Variants in ME1 observed in about 807,000 individuals in gnomAD.
The protein encoded by ME1 is NADP-dependent malic enzyme.
In ME1, 74 loss-of-function variants were observed where a neutral mutation model predicts 66.4. The observed-to-expected ratio is 1.11, with a 90% CI of 0.92 to 1.35. The LOEUF is 1.35. ME1 is among the 40% of genes most tolerant of loss of function. The pLI, the probability that ME1 is intolerant of heterozygous loss-of-function variation, is 0.00. For missense variants in ME1, 750 were observed against 694.1 expected, an observed-to-expected ratio of 1.08 and a Z score of -0.90; for synonymous variants, 251 against 235.6, an observed-to-expected ratio of 1.07 and a Z score of -0.60.
intron 11 of ME1, 43 bp downstream of exon 11, chr6:83,227,292 T>C: frequency 7.2e-7 from 1 of 1,384,888 alleles, no homozygotes; most frequent in Non-Finnish European, 9.6e-7. Context: ...CTATAATGAA[T>C]AAAAATTTGA....
In ME1 at chr6:83,224,720, T is replaced by TA. The variant is rs1554262431; in HGVS notation, c.1276-788dup. ...AAATAAAAATAATAATAATAATAAA[T>TA]AAATAAAATAAAATAAAATAGTTAT... On this transcript the variant is annotated intron_variant, in intron 11 of 13. Transcript: ENST00000369705. 3.8e-4 allele frequency among the ~76,000 whole-genome samples: 57 copies of TA among 148,178 alleles called. No individual in the cohort carries two copies. The East Asian group carries it at 4.9e-3, about 13-fold the overall frequency.
At chr6:83,420,287 C>T (rs1348727015) in intron 1 of ME1, among the ~76,000 whole-genome samples, 4 of 152,054 alleles carry the variant, frequency 2.6e-5, no homozygotes, top group African/African-American at 7.2e-5. Flanking sequence ...AGGCTGGCCT[C>T]GAACTCCTGA....
intron 1 of ME1, among the ~76,000 whole-genome samples, chr6:83,425,915 G>T (rs1562011222): frequency 1.3e-5 from 2 of 151,934 alleles, no homozygotes; most frequent in Non-Finnish European, 2.9e-5. Context: ...TCCATGTGTT[G>T]TTAATCCCCA....
chr6:83,372,649 G>A (rs552288699), intron 3 of ME1, among the ~76,000 whole-genome samples: 133 of 152,316 alleles, frequency 8.7e-4, no homozygotes, highest in African/African-American at 3.1e-3. Context: ...TACACGACCA[G>A]GTAAGGCCTG....
chr6:83,241,408 G>A (rs184854921), intron 7 of ME1, among the ~76,000 whole-genome samples: 3 of 152,118 alleles, frequency 2.0e-5, no homozygotes, highest in Admixed American at 1.3e-4. Flanking sequence ...TATTTACATC[G>A]AATTGGACAC....
At chr6:83,287,328 G>C (rs145501989) in intron 6 of ME1, among the ~76,000 whole-genome samples, 8 of 151,974 alleles carry the variant, frequency 5.3e-5, no homozygotes, top group African/African-American at 1.7e-4. Flanking sequence ...CACAGGTCCC[G>C]GTGTTTGATA....
At chr6:83,216,238 A>C (rs1374132553) in intron 13 of ME1, among the ~76,000 whole-genome samples, 2 of 152,192 alleles carry the variant, frequency 1.3e-5, no homozygotes, top group Non-Finnish European at 2.9e-5. Context: ...GGAAGCCCTA[A>C]TGAATTATTT....
chr6:83,376,493 CAA>C lies in ME1; in HGVS notation c.362+21872_362+21873del, dbSNP rs60227281. Among the ~76,000 whole-genome samples the C allele has an allele frequency of 7.9e-3, 928 of 118,200 alleles. 8 individuals are homozygous for C. Among genetic ancestry groups the C allele is most frequent in the African/African-American group, 0.025 (809 of 31,840 alleles). The allele number at this position is 118,200 out of a possible 152,430, so 77.5% of individuals were successfully genotyped here. ...CTGGGCAACAAGAGTGAAACTCTGT[CAA>C]AAAAAAAAAAAAAGAAAAAAAGAGG... On this transcript the variant is annotated intron_variant, in intron 3 of 13. Transcript: ENST00000369705.
In ME1 at chr6:83,223,940, CA is replaced by C. The variant is rs1458613972; in HGVS notation, c.1276-8del. 1.2e-6 allele frequency: 2 copies of C among 1,612,864 alleles called. No individual in the cohort carries two copies. Among genetic ancestry groups the C allele is most frequent in the South Asian group, 2.2e-5 (2 of 90,928 alleles). On this transcript the variant is annotated splice_region_variant and splice_polypyrimidine_tract_variant and intron_variant, in intron 11 of 13. Transcript: ENST00000369705. The stretch of plus-strand genomic sequence containing the variant: ...TGGCAAAAATTGCACGTCCCTACAA[CA>C]AAGACACATACAACTCACTTTAAAA...
intron 6 of ME1, among the ~76,000 whole-genome samples, chr6:83,263,829 A>G (rs1766942213): frequency 1.0e-5 from 1 of 96,874 alleles, no homozygotes; most frequent in Non-Finnish European, 2.2e-5. Flanking sequence ...ATAACATAAC[A>G]TAACATAACA....
intron 6 of ME1, among the ~76,000 whole-genome samples, chr6:83,271,488 C>G (rs1288762556): frequency 6.6e-6 from 1 of 152,124 alleles, no homozygotes; most frequent in Non-Finnish European, 1.5e-5. Context: ...ATTCCTCTTT[C>G]TCATATGAAC....
Position 83,430,958 on chromosome 6 carries a change from TGGCGCCG to T in ME1, c.-11_-5del. On this transcript the variant is annotated 5_prime_UTR_variant, in exon 1 of 14. Coordinates refer to ENST00000369705, the MANE Select transcript of ME1 (RefSeq NM_002395.6). ...GACGGGGGGCTTCGGGCTCCATGGC[TGGCGCCG>T]GGTTCGGCGGCGGGGTCAGGCCGGG... The T allele has an allele frequency of 6.4e-7, 1 of 1,558,302 alleles. No homozygotes were observed. Among genetic ancestry groups the T allele is most frequent in the Non-Finnish European group, 8.7e-7 (1 of 1,154,692 alleles).
At chr6:83,267,363 T>C (rs1767005281) in intron 6 of ME1, among the ~76,000 whole-genome samples, 1 of 152,132 alleles carries the variant, frequency 6.6e-6, no homozygotes, top group Admixed American at 6.6e-5. Context: ...GGAAAAAGTA[T>C]ACTCAACAGA....
At chr6:83,277,912 A>ATAATAATAATAATAATAATAC (rs1173051244) in intron 6 of ME1, among the ~76,000 whole-genome samples, 1 of 150,050 alleles carries the variant, frequency 6.7e-6, no homozygotes, top group Non-Finnish European at 1.5e-5. Flanking sequence ...AATAATAATA[A>ATAATAATAATAATAATAATAC]TAATAATAAT....
chr6:83,321,298 C>T (rs539346160), intron 5 of ME1, among the ~76,000 whole-genome samples: 4 of 152,164 alleles, frequency 2.6e-5, no homozygotes, highest in East Asian at 3.9e-4. Context: ...AGAATGCCAG[C>T]GAGACAGAAC....
At position 83,223,897 on chromosome 6, in the gene ME1, G is replaced by C. The variant is rs997809488; in HGVS notation, c.1312C>G (p.Pro438Ala). ...AIFASGSPFDPVTLPNGQTLY... is the reference protein window; with the variant it reads ...AIFASGSPFDAVTLPNGQTLY... ...GTCTGTCCATTTGGAAGAGTGACTG[G>C]ATCAAAAGGACTGCCACTGGCAAAA... Residue 438 changes from proline (P) to alanine (A), a missense_variant, in exon 12 of 14, where the codon CCA becomes GCA. Transcript: ENST00000369705. 1 of 1,613,966 alleles carries C rather than the reference G, an allele frequency of 6.2e-7. No homozygotes were observed. The highest frequency in any genetic ancestry group is 8.5e-7 in the Non-Finnish European group (1 of 1,179,942).
intron 3 of ME1, among the ~76,000 whole-genome samples, chr6:83,376,560 G>T (rs956130162): frequency 9.9e-5 from 15 of 151,586 alleles, no homozygotes; most frequent in Non-Finnish European, 1.8e-4. Flanking sequence ...CAGCACTTTG[G>T]GAGGCCAAGG....
At chr6:83,273,495 C>T (rs559277765) in intron 6 of ME1, among the ~76,000 whole-genome samples, 1 of 152,282 alleles carries the variant, frequency 6.6e-6, no homozygotes, top group Admixed American at 6.5e-5. Context: ...CTCAACTCAA[C>T]ACTTACGTTT....
At chr6:83,418,876 G>A (rs1018354934) in intron 1 of ME1, among the ~76,000 whole-genome samples, 1 of 151,524 alleles carries the variant, frequency 6.6e-6, no homozygotes, top group African/African-American at 2.5e-5. Context: ...TCACTGAGGA[G>A]TAATGTCAAA....
Sources: allele counts gnomAD v4.1 joint callset (sites outside exome capture counted in the v4.1 genomes callset), GRCh38; gene constraint gnomAD v4.1.1; transcripts MANE v1.5; gene names NCBI Gene and HGNC (gene_info 2026-07-23, HGNC 2026-07-21).